The following GRM3 variants were observed in gnomAD, a reference collection of about 807,000 sequenced individuals.
The protein encoded by GRM3 is glutamate metabotropic receptor 3.
In GRM3, 26 loss-of-function variants were observed where a neutral mutation model predicts 70.5. That is an observed-to-expected ratio of 0.37 (90% CI 0.27 to 0.51). GRM3 has a LOEUF of 0.51. Ranked by LOEUF, GRM3 falls within the 20% of genes least tolerant of loss-of-function variation. The pLI is 0.93. For missense variants in GRM3, 859 were observed against 1,123.8 expected (o/e 0.76, Z 3.37); for synonymous variants, 443 against 434.9 (o/e 1.02, Z -0.23).
chr7:86,749,874 C>A (rs1390034405), intron 1 of GRM3, among the ~76,000 whole-genome samples: 1 of 151,906 alleles, frequency 6.6e-6, no homozygotes, highest in Non-Finnish European at 1.5e-5. Flanking sequence ...AAGGAGTTAT[C>A]CCCAGTCAAA....
chr7:86,657,945 A>G (rs992023321), intron 1 of GRM3, among the ~76,000 whole-genome samples: 28 of 152,352 alleles, frequency 1.8e-4, no homozygotes, highest in Admixed American at 1.6e-3. Flanking sequence ...TTAATAATGG[A>G]AAATGTGGGA....
intron 3 of GRM3, among the ~76,000 whole-genome samples, chr7:86,797,683 A>C (rs891238038): frequency 3.9e-5 from 6 of 152,238 alleles, no homozygotes; most frequent in African/African-American, 1.4e-4. Context: ...CTGGCTGCAT[A>C]AATCTGCATA....
intron 1 of GRM3, among the ~76,000 whole-genome samples, chr7:86,664,199 G>A (rs1384044353): frequency 1.3e-5 from 2 of 151,816 alleles, no homozygotes; most frequent in South Asian, 2.1e-4. Context: ...GGGGGTTGAG[G>A]GGTCAGAATG....
intron 3 of GRM3, among the ~76,000 whole-genome samples, chr7:86,827,285 G>A (rs1389405060): frequency 6.6e-6 from 1 of 152,110 alleles, no homozygotes; most frequent in Non-Finnish European, 1.5e-5. Context: ...TAAACAGAAT[G>A]CTGAAAGTCT....
At chr7:86,809,297 A>G (rs1468659363) in intron 3 of GRM3, among the ~76,000 whole-genome samples, 2 of 152,046 alleles carry the variant, frequency 1.3e-5, no homozygotes, top group East Asian at 3.9e-4. Context: ...ACTTACCAAA[A>G]TAATAAAGTG....
intron 3 of GRM3, among the ~76,000 whole-genome samples, chr7:86,830,020 A>G (rs185963776): frequency 9.2e-5 from 14 of 152,350 alleles, no homozygotes; most frequent in Non-Finnish European, 1.8e-4. Flanking sequence ...AGAGTCTTCA[A>G]GGTAGCATGT....
At chr7:86,838,814 T>G in intron 3 of GRM3, 25 bp from the exon 4 acceptor site, 1 of 1,384,640 alleles carries the variant, frequency 7.2e-7, no homozygotes, top group Non-Finnish European at 1.0e-6. Flanking sequence ...GTGTTCTTTT[T>G]TTTCTTTCAC....
At chr7:86,724,052 C>T (rs959297063) in intron 1 of GRM3, among the ~76,000 whole-genome samples, 1 of 152,084 alleles carries the variant, frequency 6.6e-6, no homozygotes, top group African/African-American at 2.4e-5. Flanking sequence ...TTTTTGTCAC[C>T]ATTTCATAGC....
chr7:86,782,630 A>C (rs949638285), intron 2 of GRM3, among the ~76,000 whole-genome samples: 1 of 152,170 alleles, frequency 6.6e-6, no homozygotes, highest in African/African-American at 2.4e-5. Context: ...GCTTATGTCA[A>C]TCTTCTATGT....
chr7:86,817,886 C>T (rs1299267533), intron 3 of GRM3, among the ~76,000 whole-genome samples: 4 of 152,034 alleles, frequency 2.6e-5, no homozygotes, highest in African/African-American at 9.7e-5. Flanking sequence ...ACAAAAGCAA[C>T]TACCTGAGGT....
chr7:86,840,482 A>G (rs1028010192), intron 4 of GRM3, among the ~76,000 whole-genome samples: 2 of 152,112 alleles, frequency 1.3e-5, no homozygotes, highest in African/African-American at 2.4e-5. Flanking sequence ...TTTTTCTTTA[A>G]CTAGTTAAAA....
intron 1 of GRM3, among the ~76,000 whole-genome samples, chr7:86,759,102 T>G (rs891852103): frequency 3.3e-5 from 5 of 152,138 alleles, no homozygotes; most frequent in Non-Finnish European, 5.9e-5. Context: ...ACTTTAAATC[T>G]TAGTGCATAA....
At chr7:86,719,267 T>C (rs1242904350) in intron 1 of GRM3, among the ~76,000 whole-genome samples, 4 of 152,014 alleles carry the variant, frequency 2.6e-5, no homozygotes, top group African/African-American at 9.7e-5. Context: ...ATATTTTCAG[T>C]CTCTTGAAAA....
At chr7:86,698,311 C>T (rs1403409031) in intron 1 of GRM3, among the ~76,000 whole-genome samples, 2 of 151,758 alleles carry the variant, frequency 1.3e-5, no homozygotes, top group Admixed American at 6.6e-5. Flanking sequence ...CTCAAAGAAC[C>T]CTTTCAGAGA....
At chr7:86,800,903 A>G (rs1203637791) in intron 3 of GRM3, among the ~76,000 whole-genome samples, 1 of 152,150 alleles carries the variant, frequency 6.6e-6, no homozygotes, top group Non-Finnish European at 1.5e-5. Context: ...AATATGGCAA[A>G]CCGAATCCAG....
chr7:86,701,667 T>C (rs1363934889), intron 1 of GRM3, among the ~76,000 whole-genome samples: 1 of 151,954 alleles, frequency 6.6e-6, no homozygotes, highest in Non-Finnish European at 1.5e-5. Context: ...AACTTATTTA[T>C]TGACCTTCAA....
intron 1 of GRM3, among the ~76,000 whole-genome samples, chr7:86,744,472 G>T (rs2116333226): frequency 6.6e-6 from 1 of 151,694 alleles, no homozygotes; most frequent in East Asian, 2.0e-4. Flanking sequence ...CCAAGACTAG[G>T]CCCCACCAAG....
intron 2 of GRM3, among the ~76,000 whole-genome samples, chr7:86,767,454 C>T (rs1796627645): frequency 7.0e-6 from 1 of 143,354 alleles, no homozygotes; most frequent in African/African-American, 2.5e-5. Context: ...TCTTTCTATA[C>T]TTGGATAAAG....
intron 2 of GRM3, among the ~76,000 whole-genome samples, chr7:86,781,388 C>G (rs942631626): frequency 3.3e-5 from 5 of 152,128 alleles, no homozygotes; most frequent in Non-Finnish European, 5.9e-5. Flanking sequence ...TTGACTTTAG[C>G]CACCCTTAGA....
Sources: gnomAD v4.1 joint callset for allele counts (sites outside exome capture counted in the v4.1 genomes callset) on GRCh38, gnomAD v4.1.1 for gene constraint, MANE v1.5 for transcripts, NCBI Gene and HGNC (gene_info 2026-07-23, HGNC 2026-07-21) for gene names.